The following DLGAP1 variants were observed in gnomAD, a reference collection of about 807,000 sequenced individuals.
DLGAP1 encodes the protein disks large-associated protein 1.
Under a neutral mutation model 90.8 loss-of-function variants are expected in DLGAP1, and 11 were observed. The ratio of observed to expected loss-of-function variants is 0.12; its 90% CI spans 0.08 to 0.20. DLGAP1 has a LOEUF of 0.20. Ranked by LOEUF, DLGAP1 falls within the 10% of genes least tolerant of loss-of-function variation. The pLI is 1.00. For synonymous variants in DLGAP1, 558 were observed against 540.7 expected (o/e 1.03, Z -0.44); for missense variants, 1,050 against 1,333.8 (o/e 0.79, Z 3.31).
At chr18:4,395,225 A>C (rs753544476) in intron 1 of DLGAP1, among the ~76,000 whole-genome samples, 3 of 152,358 alleles carry the variant, frequency 2.0e-5, no homozygotes, top group Non-Finnish European at 4.4e-5. Context: ...CAAAAGAAAA[A>C]GAAAGAGAAA....
At chr18:3,884,986 C>T (rs149961575) in intron 3 of DLGAP1, among the ~76,000 whole-genome samples, 21 of 152,282 alleles carry the variant, frequency 1.4e-4, no homozygotes, top group African/African-American at 5.1e-4. Flanking sequence ...TCTCTTCTAT[C>T]GTCTTGTCAT....
chr18:3,815,395 CT>C (rs34293815), intron 4 of DLGAP1, among the ~76,000 whole-genome samples: 111,182 of 151,316 alleles, frequency 0.73, 41,185 homozygotes, highest in African/African-American at 0.83. Context: ...TTTATTTTTT[CT>C]TGGCCTCTGC....
chr18:4,264,372 C>T (rs149486887), intron 1 of DLGAP1, among the ~76,000 whole-genome samples: 4 of 152,348 alleles, frequency 2.6e-5, no homozygotes, highest in African/African-American at 9.6e-5. Context: ...GTCAGAGGAA[C>T]AAAGTTCAAT....
At chr18:4,350,267 A>G (rs1003271349) in intron 1 of DLGAP1, among the ~76,000 whole-genome samples, 3 of 152,148 alleles carry the variant, frequency 2.0e-5, no homozygotes, top group African/African-American at 7.2e-5. Context: ...TAGTTATCGG[A>G]TACAATGAAG....
intron 1 of DLGAP1, chr18:4,431,292 G>C (rs562600944): frequency 6.6e-6 from 1 of 152,308 alleles, no homozygotes; most frequent in South Asian, 2.1e-4. Flanking sequence ...CGCCATATGG[G>C]AAAATTATAT....
intron 1 of DLGAP1, among the ~76,000 whole-genome samples, chr18:4,261,638 T>C (rs1467985003): frequency 2.0e-5 from 3 of 152,174 alleles, no homozygotes; most frequent in Non-Finnish European, 4.4e-5. Flanking sequence ...TATACATATA[T>C]ATTTTTAGCA....
intron 1 of DLGAP1, among the ~76,000 whole-genome samples, chr18:4,214,824 T>A (rs2144916868): frequency 6.6e-6 from 1 of 152,294 alleles, no homozygotes; most frequent in Non-Finnish European, 1.5e-5. Context: ...AGAACAAAAT[T>A]AATTATCTGG....
intron 7 of DLGAP1, among the ~76,000 whole-genome samples, chr18:3,601,059 T>A (rs912594746): frequency 6.8e-6 from 1 of 147,716 alleles, no homozygotes; most frequent in African/African-American, 2.5e-5. Context: ...GATAGATATA[T>A]AGATATATAG....
At chr18:3,659,057 T>C (rs1417822093) in intron 7 of DLGAP1, among the ~76,000 whole-genome samples, 1 of 152,180 alleles carries the variant, frequency 6.6e-6, no homozygotes, top group Non-Finnish European at 1.5e-5. Flanking sequence ...AGACTTCTCT[T>C]ATATTTTTAA....
intron 7 of DLGAP1, among the ~76,000 whole-genome samples, chr18:3,591,681 A>C (rs2056255812): frequency 6.6e-6 from 1 of 152,064 alleles, no homozygotes; most frequent in South Asian, 2.1e-4. Context: ...CTGGCGACAG[A>C]GCAAGACTAC....
intron 7 of DLGAP1, among the ~76,000 whole-genome samples, chr18:3,716,084 C>T (rs1237579466): frequency 6.6e-6 from 1 of 152,124 alleles, no homozygotes; most frequent in Non-Finnish European, 1.5e-5. Flanking sequence ...ATAGCAGCAC[C>T]TTTCTGGAGA....
chr18:3,734,372 C>T (rs538547393), intron 6 of DLGAP1, among the ~76,000 whole-genome samples: 57 of 152,306 alleles, frequency 3.7e-4, no homozygotes, highest in African/African-American at 1.4e-3. Flanking sequence ...CTGGCCTCAG[C>T]CTCCTGAGTA....
At chr18:3,544,746 T>TATTTATTA (rs1352051176) in intron 9 of DLGAP1, among the ~76,000 whole-genome samples, 2 of 151,410 alleles carry the variant, frequency 1.3e-5, no homozygotes, top group Non-Finnish European at 2.9e-5. Context: ...TTTATTTATT[T>TATTTATTA]ATTTATTTTT....
At chr18:3,710,204 G>C (rs1598421041) in intron 7 of DLGAP1, among the ~76,000 whole-genome samples, 1 of 152,160 alleles carries the variant, frequency 6.6e-6, no homozygotes, top group East Asian at 1.9e-4. Context: ...TACCAAAACG[G>C]AACACTTCTC....
At chr18:4,161,879 G>T (rs923712160) in intron 1 of DLGAP1, among the ~76,000 whole-genome samples, 10 of 152,254 alleles carry the variant, frequency 6.6e-5, no homozygotes, top group African/African-American at 1.9e-4. Flanking sequence ...AAAGCACAGA[G>T]AGATTAAGTG....
At chr18:4,180,726 A>T (rs1322220559) in intron 1 of DLGAP1, among the ~76,000 whole-genome samples, 1 of 152,146 alleles carries the variant, frequency 6.6e-6, no homozygotes, top group African/African-American at 2.4e-5. Context: ...ACACACATAT[A>T]ATATTCTTTA....
intron 2 of DLGAP1, among the ~76,000 whole-genome samples, chr18:4,080,903 TTTG>T (rs1328965282): frequency 2.6e-5 from 4 of 151,610 alleles, no homozygotes; most frequent in Non-Finnish European, 5.9e-5. Context: ...TTTTTTTTTT[TTTG>T]AGATGAAGTT....
chr18:3,868,376 T>C (rs2070534032), intron 4 of DLGAP1, among the ~76,000 whole-genome samples: 1 of 152,182 alleles, frequency 6.6e-6, no homozygotes, highest in South Asian at 2.1e-4. Context: ...GTAGGGTTCC[T>C]TTAAAGGACT....
At chr18:4,021,798 C>T (rs534352593) in intron 2 of DLGAP1, among the ~76,000 whole-genome samples, 4 of 152,158 alleles carry the variant, frequency 2.6e-5, no homozygotes, top group South Asian at 2.1e-4. Context: ...AGGGATTCCC[C>T]GTGTTGGTCA....
Sources: gnomAD v4.1 joint callset for allele counts (sites outside exome capture counted in the v4.1 genomes callset) on GRCh38, gnomAD v4.1.1 for gene constraint, MANE v1.5 for transcripts, NCBI Gene and HGNC (gene_info 2026-07-23, HGNC 2026-07-21) for gene names.